Variants in IQGAP2 observed in about 807,000 individuals in gnomAD.
IQGAP2 encodes the protein ras GTPase-activating-like protein IQGAP2.
IQGAP2 carries 173 observed loss-of-function variants against 201.3 expected under a neutral mutation model. The observed-to-expected ratio is 0.86, with a 90% CI of 0.76 to 0.98. The LOEUF (loss-of-function observed/expected upper bound fraction) is 0.98, where lower values mean the gene tolerates loss of function less well. Among genes scored for constraint, IQGAP2 ranks in the 50% least tolerant of loss-of-function variants. IQGAP2 has a pLI of 0.00. For missense variants in IQGAP2, 1,687 were observed against 1,864.8 expected (o/e 0.90, Z 1.76); for synonymous variants, 675 against 673.9 (o/e 1.00, Z -0.03).
chr5:76,647,852 A>AC (rs558983752), intron 17 of IQGAP2, among the ~76,000 whole-genome samples: 48,347 of 142,746 alleles, frequency 0.34, 7,795 homozygotes, highest in South Asian at 0.39. Context: ...CACACACACA[A>AC]ACGAAAAAAA....
Position 76,702,657 on chromosome 5 carries a change from GCT to G in IQGAP2, c.4614+76_4614+77del. The G allele has an allele frequency of 7.2e-6, 5 of 697,374 alleles. No homozygotes were observed. The South Asian group carries it at 7.7e-5, about 11-fold the overall frequency. The allele number at this position is 697,374 out of a possible 1,614,324, so 43.2% of individuals were successfully genotyped here. A position where few individuals can be genotyped will look rare whatever the true frequency, so the allele number is the denominator to read the frequency against. On this transcript the variant is annotated intron_variant, in intron 35 of 35. Coordinates refer to ENST00000274364, the MANE Select transcript of IQGAP2 (RefSeq NM_006633.5). ...ATGTGGATCATACATTGCTACCCTG[GCT>G]CTCTCTCTTCAGGACAACAATAAAG...
At chr5:76,701,297 A>G in intron 34 of IQGAP2, 84 bp downstream of exon 34, 1 of 1,284,304 alleles carries the variant, frequency 7.8e-7, no homozygotes, top group Non-Finnish European at 1.1e-6. Context: ...TGGTCTAGCA[A>G]GGCTTAACCT....
chr5:76,478,740 A>C (rs1755597244), intron 2 of IQGAP2, among the ~76,000 whole-genome samples: 1 of 152,198 alleles, frequency 6.6e-6, no homozygotes, highest in Non-Finnish European at 1.5e-5. Flanking sequence ...CTAGGTGTGT[A>C]GAAGGCTGTA....
intron 1 of IQGAP2, among the ~76,000 whole-genome samples, chr5:76,408,330 G>A (rs1407787521): frequency 6.6e-6 from 1 of 152,180 alleles, no homozygotes; most frequent in Non-Finnish European, 1.5e-5. Flanking sequence ...ACATACCAAG[G>A]GCTAGGTGCT....
intron 1 of IQGAP2, among the ~76,000 whole-genome samples, chr5:76,454,538 G>A (rs572665315): frequency 4.2e-4 from 63 of 149,992 alleles, no homozygotes; most frequent in Non-Finnish European, 8.3e-4. Context: ...GAGAACATGC[G>A]GTGTTTGGTT....
intron 13 of IQGAP2, chr5:76,617,706 T>C: frequency 6.2e-7 from 1 of 1,614,064 alleles, no homozygotes; most frequent in Non-Finnish European, 8.5e-7. Context: ...ATATAAGCCA[T>C]CAGTGTTGTT....
In IQGAP2 at chr5:76,417,237, T is replaced by C. The variant is rs377634435; in HGVS notation, c.46+13646T>C. Among the ~76,000 whole-genome samples the C allele has an allele frequency of 1.3e-4, 20 of 152,310 alleles. No individual in the cohort carries two copies. The East Asian group carries it at 3.3e-3, about 25-fold the overall frequency. On this transcript the variant is annotated intron_variant, in intron 1 of 35. Coordinates refer to ENST00000274364, the MANE Select transcript of IQGAP2 (RefSeq NM_006633.5). The stretch of plus-strand genomic sequence containing the variant: ...GTGTTGAAACGGGTTTATCATTTAA[T>C]CATTACCTCAAAGGCAATGCTACCT...
At chr5:76,605,507 T>A (rs1747743341) in intron 11 of IQGAP2, among the ~76,000 whole-genome samples, 1 of 152,168 alleles carries the variant, frequency 6.6e-6, no homozygotes, top group Non-Finnish European at 1.5e-5. Flanking sequence ...GAGAGATTTT[T>A]GAGTATTGGC....
chr5:76,424,231 T>C (rs1751878435), intron 1 of IQGAP2, among the ~76,000 whole-genome samples: 1 of 152,210 alleles, frequency 6.6e-6, no homozygotes, highest in South Asian at 2.1e-4. Flanking sequence ...CCTTGTCTAC[T>C]TTTATTTTCC....
intron 1 of IQGAP2, among the ~76,000 whole-genome samples, chr5:76,413,711 A>G (rs1751261563): frequency 6.6e-6 from 1 of 152,160 alleles, no homozygotes; most frequent in South Asian, 2.1e-4. Flanking sequence ...GCATTCTCTT[A>G]TTTCATTTAG....
At chr5:76,672,073 G>A (rs1744379283) in intron 24 of IQGAP2, 90 bp downstream of exon 24, 11 of 980,900 alleles carry the variant, frequency 1.1e-5, no homozygotes, top group Middle Eastern at 2.7e-4. Context: ...TTTGTTAGGC[G>A]AACTGTACAA....
At chr5:76,611,273 T>C (rs1163498649) in intron 13 of IQGAP2, 90 bp downstream of exon 13, 4 of 889,208 alleles carry the variant, frequency 4.5e-6, no homozygotes, top group Non-Finnish European at 6.8e-6. Flanking sequence ...TTACGTTAAA[T>C]CTCATGAGCT....
intron 17 of IQGAP2, among the ~76,000 whole-genome samples, chr5:76,641,722 A>G (rs1465313757): frequency 6.6e-6 from 1 of 152,100 alleles, no homozygotes; most frequent in East Asian, 1.9e-4. Flanking sequence ...CCTACCAGTC[A>G]CCACACTGGT....
At chr5:76,677,958 T>C (rs540884749) in intron 28 of IQGAP2, among the ~76,000 whole-genome samples, 202 of 151,964 alleles carry the variant, frequency 1.3e-3, no homozygotes, top group Non-Finnish European at 2.4e-3. Flanking sequence ...ATAATAAAAA[T>C]AAAGCCAGAT....
chr5:76,612,688 C>A (rs938222112), intron 13 of IQGAP2, among the ~76,000 whole-genome samples: 7 of 148,912 alleles, frequency 4.7e-5, no homozygotes, highest in Non-Finnish European at 5.9e-5. Context: ...TGTTGTTAAG[C>A]AAAAAAAAAA....
At chr5:76,417,055 T>C (rs1262196432) in intron 1 of IQGAP2, among the ~76,000 whole-genome samples, 1 of 152,054 alleles carries the variant, frequency 6.6e-6, no homozygotes, top group African/African-American at 2.4e-5. Context: ...TGGTCTGAGC[T>C]TCTTTCTACA....
chr5:76,513,339 G>A (rs1303710611), intron 2 of IQGAP2, among the ~76,000 whole-genome samples: 2 of 152,200 alleles, frequency 1.3e-5, no homozygotes, highest in Non-Finnish European at 2.9e-5. Context: ...AGAGCAGGAA[G>A]GGAAAGCTCT....
intron 21 of IQGAP2, among the ~76,000 whole-genome samples, chr5:76,662,863 C>A (rs1313032941): frequency 1.3e-5 from 2 of 152,146 alleles, no homozygotes; most frequent in Non-Finnish European, 2.9e-5. Flanking sequence ...AAATCAACTC[C>A]CCTCCCTCCT....
At chr5:76,661,788 A>G (rs6869176) in intron 21 of IQGAP2, among the ~76,000 whole-genome samples, 2,502 of 152,234 alleles carry the variant, frequency 0.016, 48 homozygotes, top group African/African-American at 0.056. Context: ...GCAGATACCC[A>G]TATCTTTTAT....
Sources: gnomAD v4.1 joint callset for allele counts (sites outside exome capture counted in the v4.1 genomes callset) on GRCh38, gnomAD v4.1.1 for gene constraint, MANE v1.5 for transcripts, NCBI Gene and HGNC (gene_info 2026-07-23, HGNC 2026-07-21) for gene names.